THBS3: variants seen among roughly 807,000 people sequenced by gnomAD.
The protein encoded by THBS3 is thrombospondin-3.
A neutral mutation model predicts 118.3 loss-of-function variants in THBS3; 78 were observed. The observed-to-expected ratio is 0.66, with a 90% confidence interval of 0.55 to 0.80. The LOEUF (loss-of-function observed/expected upper bound fraction) is 0.80, where lower values mean the gene tolerates loss of function less well. THBS3 is among the 30% of genes least tolerant of loss of function. THBS3 has a pLI of 0.00. For missense variants in THBS3, 1,057 were observed against 1,247.4 expected, an observed-to-expected ratio of 0.85 and a Z score of 2.30; for synonymous variants, 427 against 475.3, an observed-to-expected ratio of 0.90 and a Z score of 1.32.
chr1:155,199,552 G>A (rs1469623313), intron 16 of THBS3, among the ~76,000 whole-genome samples: 1 of 152,058 alleles, frequency 6.6e-6, no homozygotes, highest in African/African-American at 2.4e-5. Flanking sequence ...TAAGGAGTTC[G>A]AGACCAGCCT....
At position 155,197,358 on chromosome 1, in the gene THBS3, G is replaced by A. The variant is rs1668843864; in HGVS notation, c.2499+105C>T. 1.3e-6 allele frequency: 2 copies of A among 1,525,624 alleles called. No homozygotes were observed. Among genetic ancestry groups the A allele is most frequent in the Non-Finnish European group, 8.9e-7 (1 of 1,123,394 alleles). The allele number at this position is 1,525,624 out of a possible 1,614,324, so 94.5% of individuals were successfully genotyped here. ...CAGAGAGCCGGCCTCCAAGCCAGAT[G>A]TCTGGGTAAGAGGGTTCCCAGTCAA... On this transcript the variant is annotated intron_variant, in intron 20 of 22. Transcript: ENST00000368378. The surrounding 1 kb of genome is among the most constrained non-coding windows in gnomAD (Gnocchi z 5.0).
chr1:155,202,322 C>T lies in THBS3; in HGVS notation c.1037G>A (p.Arg346Gln), dbSNP rs535532654. ...AGACACCTGTGTGCCCTTGTACCCT[C>T]GAGGACAGGCCTCACAGTGGAAGCC... ...MPGFHCEACP[R>Q]GYKGTQVSGV... The change falls in exon 9 of 23, where the codon CGA becomes CAA. Residue 346 changes from arginine to glutamine, a missense_variant. This residue lies in a region of THBS3 where 544 missense variants were observed against 715.6 expected (regional missense o/e 0.76). Coordinates refer to ENST00000368378, the MANE Select transcript of THBS3 (RefSeq NM_007112.5). This position sits in a 1 kb window ranked among gnomAD's most constrained non-coding sequence, Gnocchi z 5.5. The T allele has an allele frequency of 1.2e-4, 194 of 1,614,124 alleles. 1 individual carries two copies. Among genetic ancestry groups the T allele is most frequent in the East Asian group, 5.1e-4 (23 of 44,886 alleles).
At chr1:155,205,408 T>C in intron 2 of THBS3, 92 bp from the exon 3 acceptor site, 1 of 1,507,500 alleles carries the variant, frequency 6.6e-7, no homozygotes, top group Non-Finnish European at 9.0e-7. Context: ...ACCACATCTC[T>C]AGGGCCCCTA....
In THBS3 at chr1:155,197,364, G is replaced by T; in HGVS notation, c.2499+99C>A. On this transcript the variant is annotated intron_variant, in intron 20 of 22. Coordinates refer to ENST00000368378, the MANE Select transcript of THBS3 (RefSeq NM_007112.5). The surrounding 1 kb of genome is among the most constrained non-coding windows in gnomAD (Gnocchi z 5.0). ...GCCGGCCTCCAAGCCAGATGTCTGG[G>T]TAAGAGGGTTCCCAGTCAAGCAGTG... The T allele has an allele frequency of 6.5e-7, 1 of 1,537,634 alleles. No homozygotes were observed.
rs1013564016 is a variant in THBS3, at chr1:155,195,698, C to G, written c.*143G>C. 10 of 849,296 alleles carry G rather than the reference C, an allele frequency of 1.2e-5. No individual in the cohort carries two copies. The highest frequency in any genetic ancestry group is 2.5e-5 in the East Asian group (1 of 40,750). 52.6% of individuals were successfully genotyped at this position (849,296 alleles called of 1,614,324 possible). ...TCCCCTGAAGGGTGGGGTGACCACC[C>G]CTCTGGGACTGAACTCCTTTTGGGA... On this transcript the variant is annotated 3_prime_UTR_variant, in exon 23 of 23. Transcript: ENST00000368378.
chr1:155,198,669 C>T (rs1162483396), intron 16 of THBS3, 67 bp from the exon 17 acceptor site: 9 of 1,509,404 alleles, frequency 6.0e-6, no homozygotes, highest in Non-Finnish European at 3.6e-6. Flanking sequence ...TTCGCTTCTG[C>T]CTGGGAGTCT....
Position 155,200,512 on chromosome 1 carries a change from G to C in THBS3, c.1647C>G (p.Asp549Glu). Residue 549 changes from aspartate to glutamate, a missense_variant, in exon 14 of 23, where the codon GAC becomes GAG. Transcript: ENST00000368378. ...CCCCATTGCCATCTGTGTCCTTCTG[G>C]TCATTGTTGGGAACGTTGGGGCAAT... is the stretch of plus-strand genomic sequence containing the variant. Reference protein sequence around the residue: ...CDNCPNVPNNDQKDTDGNGEG... With the variant: ...CDNCPNVPNNEQKDTDGNGEG... 6.2e-7 allele frequency: 1 copy of C among 1,614,074 alleles called. No homozygotes were observed. The highest frequency in any genetic ancestry group is 2.2e-5 in the East Asian group (1 of 44,876).
chr1:155,196,324 G>T, intron 21 of THBS3, 198 bp from the exon 22 acceptor site: 1 of 604,884 alleles, frequency 1.7e-6, no homozygotes, highest in Non-Finnish European at 2.9e-6. Flanking sequence ...CTAGCTCTTT[G>T]TCCAGCTCCT....
At chr1:155,204,277 G>A (rs986545743) in intron 4 of THBS3, among the ~76,000 whole-genome samples, 1 of 152,156 alleles carries the variant, frequency 6.6e-6, no homozygotes, top group Non-Finnish European at 1.5e-5. Flanking sequence ...GGTGACAGCT[G>A]CCAGTGAGAA....
chr1:155,207,412 G>A (rs540255776), intron 1 of THBS3, among the ~76,000 whole-genome samples: 20 of 120,924 alleles, frequency 1.7e-4, no homozygotes, highest in African/African-American at 5.6e-4. Flanking sequence ...CCCCACCCCC[G>A]CCCTGTCCTT....
At position 155,197,002 on chromosome 1, in the gene THBS3, G is replaced by T. The variant is rs372397212; in HGVS notation, c.2672+39C>A. On this transcript the variant is annotated intron_variant, in intron 21 of 22. Coordinates refer to ENST00000368378, the MANE Select transcript of THBS3 (RefSeq NM_007112.5). This position sits in a 1 kb window ranked among gnomAD's most constrained non-coding sequence, Gnocchi z 5.0. The stretch of plus-strand genomic sequence containing the variant: ...CCAGCTAAAGAGGAAGGACAGGCCC[G>T]GCCTGAGTCCCACAGGTGGGCTCAG... The T allele has an allele frequency of 6.3e-7, 1 of 1,595,900 alleles. No individual in the cohort carries two copies.
chr1:155,206,534 G>T lies in THBS3; in HGVS notation c.80-128C>A. On this transcript the variant is annotated intron_variant, in intron 1 of 22. Coordinates refer to ENST00000368378, the MANE Select transcript of THBS3 (RefSeq NM_007112.5). The surrounding 1 kb of genome is among the most constrained non-coding windows in gnomAD (Gnocchi z 4.2). Reference sequence around the variant, plus strand: ...TAGTCACCTCAAAATTCAACCCTTGGCTGGGCATGGTGGCTCGCACCTGTA... The same window carrying T: ...TAGTCACCTCAAAATTCAACCCTTGTCTGGGCATGGTGGCTCGCACCTGTA... 1 of 797,028 alleles carries T rather than the reference G, an allele frequency of 1.3e-6. No individual in the cohort carries two copies. The highest frequency in any genetic ancestry group is 2.0e-6 in the Non-Finnish European group (1 of 491,674). The allele number at this position is 797,028 out of a possible 1,614,324, so 49.4% of individuals were successfully genotyped here.
chr1:155,200,066 G>A lies in THBS3; in HGVS notation c.1756C>T (p.Gln586Ter). ...DNCPKVPNPL[Q>*]TDRDEDGVGD... ...ACCCCGTCCTCATCCCTGTCTGTCT[G>A]TAGTGGGTTGGGGACTTTAGGGCAA... The change falls in exon 15 of 23, where the codon CAG (glutamine) becomes TAG (stop). Residue 586 changes from glutamine (Q) to a stop codon, truncating the protein, a stop_gained. Transcript: ENST00000368378. LOFTEE classifies it high-confidence loss of function. 1 of 1,599,504 alleles carries A rather than the reference G, an allele frequency of 6.3e-7. No individual in the cohort carries two copies. Among genetic ancestry groups the A allele is most frequent in the South Asian group, 1.1e-5 (1 of 88,948 alleles).
upstream of THBS3, chr1:155,209,088 C>T: frequency 6.5e-7 from 1 of 1,542,238 alleles, no homozygotes. Flanking sequence ...GGCCCAGTCC[C>T]CCGCAGTTCA....
chr1:155,208,770 A>G, upstream of THBS3: 2 of 1,244,494 alleles, frequency 1.6e-6, no homozygotes, highest in Non-Finnish European at 1.0e-6. Context: ...CAGGCGGCGC[A>G]GGGCCCGCTC....
In THBS3 at chr1:155,202,236, GT is replaced by G; in HGVS notation, c.1098+24del. 6.2e-7 allele frequency: 1 copy of G among 1,610,384 alleles called. No individual in the cohort carries two copies. Among genetic ancestry groups the G allele is most frequent in the South Asian group, 1.1e-5 (1 of 90,776 alleles). On this transcript the variant is annotated intron_variant, in intron 9 of 22. Transcript: ENST00000368378. This position sits in a 1 kb window ranked among gnomAD's most constrained non-coding sequence, Gnocchi z 5.5. The stretch of plus-strand genomic sequence containing the variant: ...GGCCTCTACAAGGCCAAGATCCCTT[GT>G]CCACACACACTACCCAGTCTGACCT...
rs1182503899 is a variant in THBS3 at position 155,201,564 on chromosome 1, A to G, written c.1182T>C (p.Ser394=). The G allele has an allele frequency of 6.2e-7, 1 of 1,613,780 alleles. No homozygotes were observed. The highest frequency in any genetic ancestry group is 1.3e-5 in the African/African-American group (1 of 75,048). Residue 394 remains serine (S), a synonymous_variant, in exon 11 of 23, where the codon TCT becomes TCC. Transcript: ENST00000368378. Reference sequence around the variant, plus strand: ...CCAGGCGGCAGGGACCACACTTGAAAGAGCCCTAAGAGTGGAGAGGCAGCA... The same window carrying G: ...CCAGGCGGCAGGGACCACACTTGAAGGAGCCCTAAGAGTGGAGAGGCAGCA... The part of the protein sequence containing the change: ...PNSICTNTVG[S]FKCGPCRLGF...
Position 155,198,455 on chromosome 1 carries a change from G to C in THBS3, c.2028C>G (p.Pro676=). ...GATTGGGTACCAGGCGGCAGTTATC[G>C]GGACCAGGAGGCACATAATCTGGGA... ...DGIPDYVPPG[P]DNCRLVPNPN... is the part of the protein sequence containing the mutation. The change falls in exon 17 of 23, where the codon CCC becomes CCG. Residue 676 remains proline, a synonymous_variant. Coordinates refer to ENST00000368378, the MANE Select transcript of THBS3 (RefSeq NM_007112.5). 2 of 1,614,130 alleles carry C rather than the reference G, an allele frequency of 1.2e-6. No individual in the cohort carries two copies. Among genetic ancestry groups the C allele is most frequent in the Non-Finnish European group, 8.5e-7 (1 of 1,180,024 alleles).
Position 155,200,368 on chromosome 1 carries a change from AC to A in THBS3, c.1708+82del, listed in dbSNP as rs1303827912. The A allele has an allele frequency of 2.0e-6, 3 of 1,529,390 alleles. No individual in the cohort carries two copies. In the African/African-American group the frequency reaches 4.1e-5, roughly 21 times the overall value. 94.7% of individuals were successfully genotyped at this position (1,529,390 alleles called of 1,614,324 possible). On this transcript the variant is annotated intron_variant, in intron 14 of 22. Coordinates refer to ENST00000368378, the MANE Select transcript of THBS3 (RefSeq NM_007112.5). Reference sequence around the variant, plus strand: ...AAGCCTGCCTCCCTATTTCACAGAGACTTCCTAGCTTCCCTGCTTCATCCCC... The same window carrying A: ...AAGCCTGCCTCCCTATTTCACAGAGATTCCTAGCTTCCCTGCTTCATCCCC...
Sources: gnomAD v4.1 joint callset for allele counts (sites outside exome capture counted in the v4.1 genomes callset) on GRCh38, gnomAD v4.1.1 for gene constraint, gnomAD v4.1.1 regional missense constraint, Gnocchi (gnomAD v3.1) non-coding constraint, MANE v1.5 for transcripts, NCBI Gene and HGNC (gene_info 2026-07-23, HGNC 2026-07-21) for gene names.